KCNMA1: variants seen among roughly 807,000 people sequenced by gnomAD.
KCNMA1 encodes the protein Calcium-activated potassium channel subunit alpha-1.
In KCNMA1, 29 loss-of-function variants were observed where a neutral mutation model predicts 140.0. The ratio of observed to expected loss-of-function variants is 0.21; its 90% confidence interval spans 0.15 to 0.28. The LOEUF (loss-of-function observed/expected upper bound fraction) is 0.28, where lower values mean the gene tolerates loss of function less well. Among genes scored for constraint, KCNMA1 ranks in the 10% least tolerant of loss-of-function variants. The pLI, the probability that KCNMA1 is intolerant of heterozygous loss-of-function variation, is 1.00. For missense variants in KCNMA1, 880 were observed against 1,602.2 expected, an observed-to-expected ratio of 0.55 and a Z score of 7.70; for synonymous variants, 612 against 611.9, an observed-to-expected ratio of 1.00 and a Z score of 0.00.
chr10:76,900,792 A>T (rs1458857914), intron 25 of KCNMA1, among the ~76,000 whole-genome samples: 1 of 152,116 alleles, frequency 6.6e-6, no homozygotes, highest in South Asian at 2.1e-4. Flanking sequence ...ATTTGCCATA[A>T]TGTATGAGAT....
intron 1 of KCNMA1, among the ~76,000 whole-genome samples, chr10:77,601,385 A>AAT (rs2082582398): frequency 2.0e-5 from 3 of 152,142 alleles, no homozygotes; most frequent in Non-Finnish European, 4.4e-5. Context: ...TTCAAACCCA[A>AAT]ATGTGTGCCA....
intron 14 of KCNMA1, chr10:77,063,835 G>A (rs558575366): frequency 1.0e-6 from 1 of 985,410 alleles, no homozygotes; most frequent in African/African-American, 1.7e-5. Flanking sequence ...GGTGGACTCA[G>A]GAATGCATGC....
At chr10:77,024,634 G>T (rs1019049826) in intron 16 of KCNMA1, among the ~76,000 whole-genome samples, 6 of 151,872 alleles carry the variant, frequency 4.0e-5, no homozygotes, top group South Asian at 2.1e-4. Context: ...GCAAAACAGG[G>T]TGAAATCACA....
At chr10:77,390,588 C>T (rs779489491) in intron 2 of KCNMA1, among the ~76,000 whole-genome samples, 1 of 152,184 alleles carries the variant, frequency 6.6e-6, no homozygotes, top group South Asian at 2.1e-4. Flanking sequence ...TGATTTTCCA[C>T]CCCTGAGGCA....
chr10:77,425,149 A>G (rs536681771), intron 1 of KCNMA1, among the ~76,000 whole-genome samples: 2 of 151,956 alleles, frequency 1.3e-5, no homozygotes, highest in South Asian at 4.2e-4. Flanking sequence ...GGATGGATGG[A>G]TGGATGAGGA....
At chr10:77,517,626 C>A (rs1271859005) in intron 1 of KCNMA1, among the ~76,000 whole-genome samples, 1 of 152,162 alleles carries the variant, frequency 6.6e-6, no homozygotes, top group African/African-American at 2.4e-5. Context: ...GACAAGGACA[C>A]AGACACTGAA....
At chr10:77,572,569 C>CATATATATGTATATATATATAT (rs2071897588) in intron 1 of KCNMA1, among the ~76,000 whole-genome samples, 1 of 37,568 alleles carries the variant, frequency 2.7e-5, no homozygotes, top group Non-Finnish European at 4.7e-5. Flanking sequence ...AAAAAAAATC[C>CATATATATGTATATATATATAT]ATATATATAT....
chr10:77,418,653 T>A (rs1566723296), intron 1 of KCNMA1, among the ~76,000 whole-genome samples: 1 of 152,026 alleles, frequency 6.6e-6, no homozygotes, highest in Admixed American at 6.6e-5. Context: ...TGAAGTTGGA[T>A]CCAGAAAAAG....
chr10:76,974,444 G>C (rs765214706), intron 19 of KCNMA1: 1 of 1,117,722 alleles, frequency 8.9e-7, no homozygotes, highest in Non-Finnish European at 1.3e-6. Context: ...GAGGGCTGCA[G>C]GGTAGTTATT....
chr10:77,568,234 T>C (rs1489694906), intron 1 of KCNMA1, among the ~76,000 whole-genome samples: 1 of 152,258 alleles, frequency 6.6e-6, no homozygotes, highest in Non-Finnish European at 1.5e-5. Flanking sequence ...ACTCATTTTA[T>C]GAGGCCAGCA....
intron 14 of KCNMA1, among the ~76,000 whole-genome samples, chr10:77,050,675 CTGA>C (rs2095328918): frequency 6.6e-6 from 1 of 152,212 alleles, no homozygotes; most frequent in Non-Finnish European, 1.5e-5. Flanking sequence ...GCAGATGACA[CTGA>C]TGCTTCCCCT....
chr10:77,388,843 C>T (rs1467698312), intron 2 of KCNMA1, among the ~76,000 whole-genome samples: 1 of 152,168 alleles, frequency 6.6e-6, no homozygotes, highest in African/African-American at 2.4e-5. Flanking sequence ...GCTGAATTGC[C>T]TTTACAAGGT....
chr10:77,465,965 T>C (rs2154526462), intron 1 of KCNMA1, among the ~76,000 whole-genome samples: 1 of 152,288 alleles, frequency 6.6e-6, no homozygotes, highest in African/African-American at 2.4e-5. Context: ...AATCCACCCT[T>C]GGCAGAAAAT....
At chr10:77,044,474 C>T (rs917313683) in intron 14 of KCNMA1, among the ~76,000 whole-genome samples, 2 of 152,060 alleles carry the variant, frequency 1.3e-5, no homozygotes, top group Non-Finnish European at 2.9e-5. Context: ...CACAGCAAGA[C>T]CCTGTCTCTA....
Position 77,018,420 on chromosome 10 carries a change from T to C in KCNMA1, c.2015+593A>G, listed in dbSNP as rs932110014. ...CAAAGGGCCCTGTGAATTCCTAGGCTGCTTAAACAGGTTTAAGGATACGAA... is the reference window on the plus strand; with the variant it reads ...CAAAGGGCCCTGTGAATTCCTAGGCCGCTTAAACAGGTTTAAGGATACGAA... On this transcript the variant is annotated intron_variant, in intron 17 of 27. Coordinates refer to ENST00000286628, the MANE Select transcript of KCNMA1 (RefSeq NM_001161352.2). Among the ~76,000 whole-genome samples the C allele has an allele frequency of 5.1e-4, 77 of 152,204 alleles. 1 individual carries two copies. Among genetic ancestry groups the C allele is most frequent in the Admixed American group, 5.0e-3 (76 of 15,280 alleles).
In KCNMA1 at chr10:77,271,640, T is replaced by G. The variant is rs143818294; in HGVS notation, c.541-20384A>C. ...ACATAGCAAGCTCTCTAGAAGTAAGTGCTAAATAAATCCCCAGTTCAATGG... is the reference window on the plus strand; with the variant it reads ...ACATAGCAAGCTCTCTAGAAGTAAGGGCTAAATAAATCCCCAGTTCAATGG... On this transcript the variant is annotated intron_variant, in intron 2 of 27. Transcript: ENST00000286628. Among the ~76,000 whole-genome samples, 618 of 152,300 alleles carry G rather than the reference T, an allele frequency of 4.1e-3. 6 individuals carry two copies. The highest frequency in any genetic ancestry group is 0.014 in the African/African-American group (597 of 41,562).
intron 1 of KCNMA1, among the ~76,000 whole-genome samples, chr10:77,517,198 G>A (rs2050860326): frequency 6.6e-6 from 1 of 152,150 alleles, no homozygotes; most frequent in Admixed American, 6.5e-5. Flanking sequence ...CTCCCTCTAT[G>A]AAGAGCTGCC....
At chr10:77,500,949 T>G (rs572697248) in intron 1 of KCNMA1, among the ~76,000 whole-genome samples, 1 of 152,248 alleles carries the variant, frequency 6.6e-6, no homozygotes, top group East Asian at 1.9e-4. Flanking sequence ...AATGGAAACT[T>G]ATTAAAAACA....
chr10:77,168,404 T>C (rs2098666936), intron 5 of KCNMA1, among the ~76,000 whole-genome samples: 1 of 152,184 alleles, frequency 6.6e-6, no homozygotes, highest in Non-Finnish European at 1.5e-5. Flanking sequence ...CATCATAAAG[T>C]ACACTTAGAC....
Sources: allele counts gnomAD v4.1 joint callset (sites outside exome capture counted in the v4.1 genomes callset), GRCh38; gene constraint gnomAD v4.1.1; transcripts MANE v1.5; gene names NCBI Gene and HGNC (gene_info 2026-07-23, HGNC 2026-07-21).